CADM2: variants seen among roughly 807,000 people sequenced by gnomAD.
CADM2 encodes cell adhesion molecule 2, also known as immunoglobulin superfamily member 4D.
A neutral mutation model predicts 49.8 loss-of-function variants in CADM2; 12 were observed. The ratio of observed to expected loss-of-function variants is 0.24; its 90% CI spans 0.15 to 0.39. The LOEUF is 0.39. CADM2 is among the 10% of genes least tolerant of loss of function. CADM2 has a pLI of 1.00. For synonymous variants in CADM2, 214 were observed against 175.4 expected (o/e 1.22, Z -1.74); for missense variants, 378 against 492.3 (o/e 0.77, Z 2.20).
chr3:85,898,044 A>G (rs1715494100), intron 5 of CADM2, among the ~76,000 whole-genome samples: 1 of 151,966 alleles, frequency 6.6e-6, no homozygotes, highest in African/African-American at 2.4e-5. Flanking sequence ...AGAAAAAAAA[A>G]TTAATAGCAT....
intron 1 of CADM2, among the ~76,000 whole-genome samples, chr3:85,480,425 A>G (rs2039162212): frequency 6.6e-6 from 1 of 151,880 alleles, no homozygotes; most frequent in South Asian, 2.1e-4. Context: ...ACTGTGGGCA[A>G]GTTACCATGT....
At chr3:85,627,151 G>C (rs941464203) in intron 1 of CADM2, among the ~76,000 whole-genome samples, 1 of 151,808 alleles carries the variant, frequency 6.6e-6, no homozygotes, top group Admixed American at 6.6e-5. Flanking sequence ...TGGAAACCTT[G>C]TGTCTGATAC....
At chr3:85,839,113 C>T (rs190996037) in intron 3 of CADM2, among the ~76,000 whole-genome samples, 16 of 151,760 alleles carry the variant, frequency 1.1e-4, no homozygotes, top group African/African-American at 3.9e-4. Flanking sequence ...GCTATTCTTC[C>T]CTGAAGCAAA....
chr3:85,163,869 A>G (rs2040398279), intron 1 of CADM2, among the ~76,000 whole-genome samples: 1 of 152,064 alleles, frequency 6.6e-6, no homozygotes, highest in African/African-American at 2.4e-5. Flanking sequence ...AATCAATTTT[A>G]GAACATTTTA....
At chr3:85,299,216 A>G (rs1040094608) in intron 1 of CADM2, among the ~76,000 whole-genome samples, 1 of 152,116 alleles carries the variant, frequency 6.6e-6, no homozygotes, top group Non-Finnish European at 1.5e-5. Context: ...ACGAATAACT[A>G]TTATTTGCTA....
chr3:85,725,803 TG>T (rs1189180759), intron 1 of CADM2, among the ~76,000 whole-genome samples: 2 of 152,068 alleles, frequency 1.3e-5, no homozygotes, highest in Non-Finnish European at 2.9e-5. Flanking sequence ...TGGAGTTTAG[TG>T]AATCATATAA....
chr3:85,143,257 A>T (rs2039632131), intron 1 of CADM2, among the ~76,000 whole-genome samples: 1 of 152,170 alleles, frequency 6.6e-6, no homozygotes, highest in South Asian at 2.1e-4. Flanking sequence ...CCAAGACAGA[A>T]GGATTGCTTG....
At chr3:85,632,845 A>G (rs1163686769) in intron 1 of CADM2, among the ~76,000 whole-genome samples, 1 of 152,084 alleles carries the variant, frequency 6.6e-6, no homozygotes, top group Non-Finnish European at 1.5e-5. Flanking sequence ...TGTTGTCTGG[A>G]AATTTAATAT....
At chr3:85,146,225 A>G (rs2039735445) in intron 1 of CADM2, among the ~76,000 whole-genome samples, 1 of 152,176 alleles carries the variant, frequency 6.6e-6, no homozygotes, top group Admixed American at 6.5e-5. Context: ...CCAAATAACC[A>G]AATAATGATC....
chr3:85,640,023 T>C (rs1310976463), intron 1 of CADM2, among the ~76,000 whole-genome samples: 2 of 152,176 alleles, frequency 1.3e-5, no homozygotes, highest in Non-Finnish European at 2.9e-5. Context: ...CTTCAAAGCA[T>C]GTCTAAGGAG....
At chr3:85,121,707 A>C (rs1216046709) in intron 1 of CADM2, among the ~76,000 whole-genome samples, 1 of 152,298 alleles carries the variant, frequency 6.6e-6, no homozygotes, top group African/African-American at 2.4e-5. Flanking sequence ...AATATTACCT[A>C]TCTTCATTCA....
chr3:86,038,821 G>T (rs1033955184), intron 8 of CADM2, among the ~76,000 whole-genome samples: 2 of 152,218 alleles, frequency 1.3e-5, no homozygotes, highest in South Asian at 2.1e-4. Flanking sequence ...ATCCAAATTT[G>T]TTAAATGATT....
At chr3:85,533,920 A>G (rs943373101) in intron 1 of CADM2, among the ~76,000 whole-genome samples, 63 of 152,158 alleles carry the variant, frequency 4.1e-4, no homozygotes, top group African/African-American at 1.5e-3. Context: ...GCTATTTTAC[A>G]TATTCTACAG....
At chr3:85,096,271 A>G (rs1211094710) in intron 1 of CADM2, among the ~76,000 whole-genome samples, 1 of 152,122 alleles carries the variant, frequency 6.6e-6, no homozygotes, top group Non-Finnish European at 1.5e-5. Context: ...GGAATTTTAT[A>G]CACTTATTAC....
intron 1 of CADM2, among the ~76,000 whole-genome samples, chr3:85,518,615 T>C (rs1335002086): frequency 6.6e-6 from 1 of 152,206 alleles, no homozygotes; most frequent in Non-Finnish European, 1.5e-5. Flanking sequence ...ACGCTTCCTC[T>C]GGAGTTTTAA....
chr3:85,585,961 A>G (rs1362992895), intron 1 of CADM2, among the ~76,000 whole-genome samples: 4 of 151,720 alleles, frequency 2.6e-5, no homozygotes, highest in Non-Finnish European at 1.5e-5. Context: ...TCATTTTTTT[A>G]ATGGATATGA....
At chr3:85,767,842 C>T (rs555335315) in intron 2 of CADM2, among the ~76,000 whole-genome samples, 75 of 152,092 alleles carry the variant, frequency 4.9e-4, no homozygotes, top group Non-Finnish European at 7.2e-4. Flanking sequence ...ATAAAAGATG[C>T]TGGTAGAGCT....
intron 1 of CADM2, among the ~76,000 whole-genome samples, chr3:85,564,167 T>TTC (rs3086193): frequency 0.016 from 2,334 of 149,656 alleles, 46 homozygotes; most frequent in African/African-American, 0.045. Context: ...GAAAGCATGA[T>TTC]TCTCTCTCTC....
At chr3:85,060,915 AAATAT>A (rs1323493022) in intron 1 of CADM2, among the ~76,000 whole-genome samples, 1 of 152,158 alleles carries the variant, frequency 6.6e-6, no homozygotes, top group Non-Finnish European at 1.5e-5. Flanking sequence ...TAACCAGTTA[AAATAT>A]AATATAAATA....
Sources: allele counts gnomAD v4.1 joint callset (sites outside exome capture counted in the v4.1 genomes callset), GRCh38; gene constraint gnomAD v4.1.1; transcripts MANE v1.5; gene names NCBI Gene and HGNC (gene_info 2026-07-23, HGNC 2026-07-21).